LDLRAD4: variants seen among roughly 807,000 people sequenced by gnomAD.
LDLRAD4 encodes the protein low density lipoprotein receptor class A domain containing 4.
Under a neutral mutation model 17.0 loss-of-function variants are expected in LDLRAD4, and 5 were observed. The ratio of observed to expected loss-of-function variants is 0.29; its 90% CI spans 0.15 to 0.62. The LOEUF is 0.62. LDLRAD4 is among the 20% of genes least tolerant of loss of function. LDLRAD4 has a pLI of 0.84. For missense variants in LDLRAD4, 340 were observed against 424.7 expected, an observed-to-expected ratio of 0.80 and a Z score of 1.75; for synonymous variants, 168 against 171.8, an observed-to-expected ratio of 0.98 and a Z score of 0.17.
chr18:13,641,952 G>A, intron 4 of LDLRAD4: 1 of 985,430 alleles, frequency 1.0e-6, no homozygotes, highest in Non-Finnish European at 1.2e-6. Flanking sequence ...GGAGCGAGGA[G>A]CGCCCCTGCG....
intron 1 of LDLRAD4, among the ~76,000 whole-genome samples, chr18:13,257,386 T>TC (rs1756092848): frequency 6.6e-6 from 1 of 152,220 alleles, no homozygotes; most frequent in African/African-American, 2.4e-5. Context: ...GCCAGTCCTT[T>TC]CGTTCTGTAA....
chr18:13,538,116 G>T (rs2147907903), intron 3 of LDLRAD4, among the ~76,000 whole-genome samples: 1 of 152,162 alleles, frequency 6.6e-6, no homozygotes, highest in Admixed American at 6.5e-5. Flanking sequence ...TGTTGATCTT[G>T]TCAAATACCC....
At chr18:13,512,400 G>A (rs1313650103) in intron 3 of LDLRAD4, among the ~76,000 whole-genome samples, 4 of 152,222 alleles carry the variant, frequency 2.6e-5, no homozygotes, top group Admixed American at 6.5e-5. Flanking sequence ...AACATCCCTT[G>A]TGGTTTTGTG....
At chr18:13,426,623 G>A (rs1265833458) in intron 2 of LDLRAD4, among the ~76,000 whole-genome samples, 3 of 152,126 alleles carry the variant, frequency 2.0e-5, no homozygotes, top group Non-Finnish European at 2.9e-5. Flanking sequence ...CACCCACTTT[G>A]ATCCCAGCCT....
intron 1 of LDLRAD4, among the ~76,000 whole-genome samples, chr18:13,368,013 C>CCT (rs986695628): frequency 1.3e-5 from 2 of 152,024 alleles, no homozygotes; most frequent in African/African-American, 4.8e-5. Flanking sequence ...CAGAGTGAGA[C>CCT]CTGAGACCCT....
At chr18:13,431,916 G>A (rs893789201) in intron 2 of LDLRAD4, among the ~76,000 whole-genome samples, 4 of 152,162 alleles carry the variant, frequency 2.6e-5, no homozygotes, top group Non-Finnish European at 4.4e-5. Flanking sequence ...GTTTATGAAC[G>A]GGAATGTCAG....
chr18:13,300,493 C>T lies in LDLRAD4; in HGVS notation c.-383+22305C>T, dbSNP rs2046530107. On this transcript the variant is annotated intron_variant, in intron 1 of 5. Transcript: ENST00000359446. This position sits in a 1 kb window ranked among gnomAD's most constrained non-coding sequence, Gnocchi z 4.2. ...AGGCCTGCAATAAGGCACCCGGTGC[C>T]AGCATGGAGCCCCATTGTCCTCACT... Among the ~76,000 whole-genome samples, 1 of 152,200 alleles carries T rather than the reference C, an allele frequency of 6.6e-6. No homozygotes were observed. Among genetic ancestry groups the T allele is most frequent in the Non-Finnish European group, 1.5e-5 (1 of 68,044 alleles).
chr18:13,509,269 A>G (rs565235354), intron 3 of LDLRAD4, among the ~76,000 whole-genome samples: 2 of 152,356 alleles, frequency 1.3e-5, no homozygotes, highest in South Asian at 2.1e-4. Context: ...AGCCATGATC[A>G]TGCCACTGCA....
At chr18:13,265,431 T>C (rs2044162543) in intron 1 of LDLRAD4, among the ~76,000 whole-genome samples, 1 of 152,186 alleles carries the variant, frequency 6.6e-6, no homozygotes, top group Non-Finnish European at 1.5e-5. Context: ...CTTCCCACTG[T>C]GCTGCCTGGA....
chr18:13,322,711 G>T (rs775639584), intron 1 of LDLRAD4, among the ~76,000 whole-genome samples: 1 of 151,568 alleles, frequency 6.6e-6, no homozygotes, highest in Non-Finnish European at 1.5e-5. Context: ...TCTGCCTCCC[G>T]AGTTCAAAAA....
At chr18:13,557,677 G>C (rs1191797612) in intron 3 of LDLRAD4, among the ~76,000 whole-genome samples, 2 of 152,234 alleles carry the variant, frequency 1.3e-5, no homozygotes, top group Non-Finnish European at 2.9e-5. Context: ...TGTGATTACA[G>C]GCGTGAGCCA....
chr18:13,620,110 G>A (rs1472946781), intron 3 of LDLRAD4, among the ~76,000 whole-genome samples: 2 of 152,132 alleles, frequency 1.3e-5, no homozygotes, highest in Admixed American at 6.5e-5. Context: ...CGTAGCCACT[G>A]GGGAGGCACC....
intron 3 of LDLRAD4, among the ~76,000 whole-genome samples, chr18:13,553,645 TTC>T (rs1446563952): frequency 6.6e-6 from 1 of 152,208 alleles, no homozygotes; most frequent in African/African-American, 2.4e-5. Context: ...ATCTTTAGTT[TTC>T]TGACACCTTT....
intron 3 of LDLRAD4, among the ~76,000 whole-genome samples, chr18:13,564,178 C>T (rs1487121535): frequency 6.6e-6 from 1 of 152,222 alleles, no homozygotes; most frequent in South Asian, 2.1e-4. Context: ...CGACAGGCTC[C>T]GGCATAGGCC....
At position 13,621,234 on chromosome 18, in the gene LDLRAD4, CGAA is replaced by C; in HGVS notation, c.300_302del (p.Asn101del). 6.2e-7 allele frequency: 1 copy of C among 1,613,680 alleles called. No individual in the cohort carries two copies. The highest frequency in any genetic ancestry group is 8.5e-7 in the Non-Finnish European group (1 of 1,180,002). Reference sequence around the variant, plus strand: ...TCCACGCGGTCCTTCATCAACCGCCCGAACCAGAGCCGGAGGCGGGAGGACGGG... The same window carrying C: ...TCCACGCGGTCCTTCATCAACCGCCCCCAGAGCCGGAGGCGGGAGGACGGG... On this transcript the variant is annotated inframe_deletion, in exon 4 of 6. Transcript: ENST00000359446. This position sits in a 1 kb window ranked among gnomAD's most constrained non-coding sequence, Gnocchi z 5.5.
chr18:13,511,908 A>T (rs1309975393), intron 3 of LDLRAD4, among the ~76,000 whole-genome samples: 1 of 152,234 alleles, frequency 6.6e-6, no homozygotes, highest in Non-Finnish European at 1.5e-5. Context: ...CAAGAAATGT[A>T]TTTTTAGCGT....
At position 13,219,844 on chromosome 18, in the gene LDLRAD4, GGA is replaced by G. The variant is rs369441321; in HGVS notation, c.-467+859_-467+860del. On this transcript the variant is annotated intron_variant, in intron 1 of 5. Transcript: ENST00000399848. Reference sequence around the variant, plus strand: ...AGAAGGTTCTGCAAAGTCTGCACAGGGAGACTGCCATTGCATCAAGTCATGTC... The same window carrying G: ...AGAAGGTTCTGCAAAGTCTGCACAGGGACTGCCATTGCATCAAGTCATGTC... Among the ~76,000 whole-genome samples the G allele has an allele frequency of 7.9e-4, 121 of 152,298 alleles. No individual in the cohort carries two copies. The East Asian group carries it at 0.019, about 24-fold the overall frequency.
chr18:13,498,409 A>C (rs1189215195), intron 3 of LDLRAD4, among the ~76,000 whole-genome samples: 1 of 119,164 alleles, frequency 8.4e-6, no homozygotes, highest in Non-Finnish European at 1.7e-5. Context: ...CCCCAGCCAT[A>C]GACACTGGAG....
At chr18:13,433,799 T>G (rs567402763) in intron 2 of LDLRAD4, among the ~76,000 whole-genome samples, 5 of 152,314 alleles carry the variant, frequency 3.3e-5, no homozygotes, top group Admixed American at 3.3e-4. Context: ...TTTTCAAAGG[T>G]TATAAAATAT....
Sources: gnomAD v4.1 joint callset for allele counts (sites outside exome capture counted in the v4.1 genomes callset) on GRCh38, gnomAD v4.1.1 for gene constraint, Gnocchi (gnomAD v3.1) non-coding constraint, MANE v1.5 for transcripts, NCBI Gene and HGNC (gene_info 2026-07-23, HGNC 2026-07-21) for gene names.